RASA2: variants seen among roughly 807,000 people sequenced by gnomAD.
The protein encoded by RASA2 is ras GTPase-activating protein 2.
A neutral mutation model predicts 118.2 loss-of-function variants in RASA2; 155 were observed. The ratio of observed to expected loss-of-function variants is 1.31; its 90% confidence interval spans 1.15 to 1.50. The LOEUF (loss-of-function observed/expected upper bound fraction) is 1.50. Among genes scored for constraint, RASA2 ranks in the 40% most tolerant of loss-of-function variants. RASA2 has a pLI of 0.00. For missense variants in RASA2, 1,016 were observed against 1,009.6 expected (o/e 1.01, Z -0.09); for synonymous variants, 353 against 349.1 (o/e 1.01, Z -0.12).
In RASA2 at chr3:141,571,083, T is replaced by G. The variant is rs1161105511; in HGVS notation, c.1020+15T>G. The G allele has an allele frequency of 5.1e-6, 8 of 1,583,042 alleles. No individual in the cohort carries two copies. Among genetic ancestry groups the G allele is most frequent in the Non-Finnish European group, 6.8e-6 (8 of 1,169,860 alleles). On this transcript the variant is annotated intron_variant, in intron 10 of 23. Transcript: ENST00000286364. ...CAGATGTTCAAGTATGTTAAGAATC[T>G]TAAGGATATGATTTAACACGAAACG...
intron 15 of RASA2, chr3:141,579,596 T>C (rs1381744312): frequency 2.0e-5 from 3 of 152,164 alleles, no homozygotes; most frequent in Non-Finnish European, 4.4e-5. Context: ...AAGTATTGAA[T>C]ATGTTTAGAG....
intron 19 of RASA2, among the ~76,000 whole-genome samples, chr3:141,594,246 A>G (rs908566970): frequency 6.6e-6 from 1 of 152,184 alleles, no homozygotes; most frequent in African/African-American, 2.4e-5. Context: ...AACACAGAAA[A>G]GACTTGGGGG....
intron 13 of RASA2, 42 bp from the exon 14 acceptor site, chr3:141,573,902 T>C: frequency 6.5e-7 from 1 of 1,536,614 alleles, no homozygotes. Context: ...TGAAGATGTG[T>C]GAACATCAAA....
At chr3:141,572,205 C>T (rs1470385237) in intron 11 of RASA2, among the ~76,000 whole-genome samples, 3 of 151,904 alleles carry the variant, frequency 2.0e-5, no homozygotes. Context: ...GATTCTCATG[C>T]CTCAGCCTCC....
At position 141,534,592 on chromosome 3, in the gene RASA2, G is replaced by GT. The variant is rs34888832; in HGVS notation, c.450+4801dup. Among the ~76,000 whole-genome samples the GT allele has an allele frequency of 2.0e-3, 297 of 147,686 alleles. 1 individual carries two copies. The highest frequency in any genetic ancestry group is 2.3e-3 in the Non-Finnish European group (150 of 66,558). On this transcript the variant is annotated intron_variant, in intron 4 of 23. Coordinates refer to ENST00000286364, the MANE Select transcript of RASA2 (RefSeq NM_006506.5). ...ATAAGTTATTGATTGTTTTATAGGT[G>GT]TTTTTTTTTTTAAAGACCTCTGCCT... is the stretch of plus-strand genomic sequence containing the variant.
At chr3:141,602,912 G>T (rs2083488606) in intron 19 of RASA2, among the ~76,000 whole-genome samples, 1 of 152,156 alleles carries the variant, frequency 6.6e-6, no homozygotes, top group East Asian at 1.9e-4. Flanking sequence ...CAGGGATCTG[G>T]CAAGTTTATT....
At chr3:141,545,200 A>G (rs2082466551) in intron 5 of RASA2, among the ~76,000 whole-genome samples, 3 of 152,212 alleles carry the variant, frequency 2.0e-5, no homozygotes, top group Non-Finnish European at 1.5e-5. Context: ...TCCATGTCAC[A>G]TAATCATAAC....
chr3:141,567,512 TA>T (rs2082841033), intron 9 of RASA2, among the ~76,000 whole-genome samples: 1 of 152,262 alleles, frequency 6.6e-6, no homozygotes, highest in South Asian at 2.1e-4. Context: ...TGACAACATT[TA>T]AAATGCATTT....
intron 14 of RASA2, among the ~76,000 whole-genome samples, chr3:141,575,440 T>C (rs1304485679): frequency 6.6e-6 from 1 of 152,262 alleles, no homozygotes; most frequent in Admixed American, 6.5e-5. Flanking sequence ...TGAAATTATA[T>C]TTTTAAATAG....
chr3:141,585,925 TGAA>T (rs1166914644), intron 17 of RASA2, 97 bp from the exon 18 acceptor site: 5 of 855,232 alleles, frequency 5.8e-6, no homozygotes, highest in Non-Finnish European at 8.7e-6. Context: ...TCATTAATAA[TGAA>T]GAACTTCCCA....
chr3:141,613,110 A>C lies in RASA2; in HGVS notation c.*797A>C, dbSNP rs940422901. ...AGGACATCTCTTCAAAAAGAAAGTA[A>C]ACAGGGAATGAAGGTGGTGGGAAAA... On this transcript the variant is annotated 3_prime_UTR_variant, in exon 24 of 24. Transcript: ENST00000286364. The C allele has an allele frequency of 6.6e-6, 1 of 152,206 alleles. No individual in the cohort carries two copies. The highest frequency in any genetic ancestry group is 1.5e-5 in the Non-Finnish European group (1 of 68,030). The allele number at this position is 152,206 out of a possible 1,614,324, so 9.4% of individuals were successfully genotyped here.
intron 7 of RASA2, among the ~76,000 whole-genome samples, chr3:141,558,151 T>G (rs2082676063): frequency 6.6e-6 from 1 of 152,202 alleles, no homozygotes; most frequent in African/African-American, 2.4e-5. Flanking sequence ...AGCTTCCTCA[T>G]TTTTAAGTGA....
chr3:141,595,813 G>A (rs1560058569), intron 19 of RASA2, among the ~76,000 whole-genome samples: 1 of 151,864 alleles, frequency 6.6e-6, no homozygotes, highest in African/African-American at 2.4e-5. Context: ...ATTTTTTGTA[G>A]CTGCAAGGTC....
intron 1 of RASA2, among the ~76,000 whole-genome samples, chr3:141,492,463 CT>C (rs1457780312): frequency 1.3e-5 from 2 of 152,034 alleles, no homozygotes; most frequent in African/African-American, 4.8e-5. Flanking sequence ...TCAAAAACCC[CT>C]ATCTAAAGTG....
chr3:141,498,299 C>T (rs1231411538), intron 1 of RASA2, among the ~76,000 whole-genome samples: 2 of 152,122 alleles, frequency 1.3e-5, no homozygotes, highest in Non-Finnish European at 2.9e-5. Flanking sequence ...TTACCAAAGC[C>T]CACATCCCTT....
intron 3 of RASA2, among the ~76,000 whole-genome samples, chr3:141,520,675 CAT>C (rs1283084032): frequency 3.9e-5 from 6 of 152,184 alleles, no homozygotes; most frequent in African/African-American, 1.2e-4. Context: ...CATATATACA[CAT>C]ACACTTATAT....
intron 19 of RASA2, among the ~76,000 whole-genome samples, chr3:141,587,713 CAAAA>C (rs1156964232): frequency 0.011 from 628 of 55,824 alleles, 5 homozygotes; most frequent in African/African-American, 0.035. Context: ...GACTCCATCT[CAAAA>C]AAAAAAAAAA....
At chr3:141,581,075 A>T (rs754408195) in intron 16 of RASA2, 25 bp from the exon 17 acceptor site, 1 of 1,501,244 alleles carries the variant, frequency 6.7e-7, no homozygotes, top group Non-Finnish European at 8.8e-7. Flanking sequence ...TAACACATAT[A>T]AACCCTGTGT....
chr3:141,549,059 AATAC>A (rs2082531181), intron 5 of RASA2, among the ~76,000 whole-genome samples: 1 of 152,154 alleles, frequency 6.6e-6, no homozygotes, highest in Non-Finnish European at 1.5e-5. Flanking sequence ...GTGCTTCTCT[AATAC>A]AGCTATAAGA....
Sources: gnomAD v4.1 joint callset for allele counts (sites outside exome capture counted in the v4.1 genomes callset) on GRCh38, gnomAD v4.1.1 for gene constraint, MANE v1.5 for transcripts, NCBI Gene and HGNC (gene_info 2026-07-23, HGNC 2026-07-21) for gene names.